MIS12: variants seen among roughly 807,000 people sequenced by gnomAD.
MIS12 encodes MIS12 kinetochore complex component.
MIS12 carries 13 observed loss-of-function variants against 16.5 expected under a neutral mutation model. The ratio of observed to expected loss-of-function variants is 0.79; its 90% CI spans 0.51 to 1.25. The LOEUF is 1.25. MIS12 is among the 50% of genes most tolerant of loss of function. The pLI is 0.00. For synonymous variants in MIS12, 97 were observed against 87.3 expected, an observed-to-expected ratio of 1.11 and a Z score of -0.62; for missense variants, 199 against 239.5, an observed-to-expected ratio of 0.83 and a Z score of 1.12.
chr17:5,489,530 A>G lies in MIS12; in HGVS notation c.*50A>G. The G allele has an allele frequency of 6.5e-7, 1 of 1,529,530 alleles. No individual in the cohort carries two copies. Among genetic ancestry groups the G allele is most frequent in the Non-Finnish European group, 8.8e-7 (1 of 1,142,524 alleles). The allele number at this position is 1,529,530 out of a possible 1,614,324, so 94.7% of individuals were successfully genotyped here. ...CCTGTCAAAAAGTAGAATCATAAGG[A>G]CTGTTCAAACCATAAGGACTGTTCA... On this transcript the variant is annotated 3_prime_UTR_variant, in exon 3 of 3. Transcript: ENST00000611091.
Position 5,488,432 on chromosome 17 carries a change from T to G in MIS12, c.-198T>G. On this transcript the variant is annotated 5_prime_UTR_variant, in exon 2 of 3. Transcript: ENST00000611091. ...AAAAAGTAGAAGCAGTTTGGAAGAG[T>G]AGTTACAAATATCAAGAGCCAGGTG... 1 of 161,588 alleles carries G rather than the reference T, an allele frequency of 6.2e-6. No individual in the cohort carries two copies. Among genetic ancestry groups the G allele is most frequent in the Non-Finnish European group, 1.4e-5 (1 of 73,728 alleles). 10.0% of individuals were successfully genotyped at this position (161,588 alleles called of 1,614,324 possible).
rs1384888673 is a variant in MIS12, at chr17:5,489,698, C to G, written c.*218C>G. 2.2e-6 allele frequency: 1 copy of G among 457,384 alleles called. No homozygotes were observed. The highest frequency in any genetic ancestry group is 2.1e-5 in the African/African-American group (1 of 48,576). 28.3% of individuals were successfully genotyped at this position (457,384 alleles called of 1,614,324 possible). On this transcript the variant is annotated 3_prime_UTR_variant, in exon 3 of 3. Transcript: ENST00000611091. ...ACTACTTTGAACTAGGCTGAAGCAT[C>G]TGAGTCTTCTAATAAGTGGGAAGGG...
upstream of MIS12, chr17:5,486,448 C>A: frequency 3.1e-6 from 1 of 324,322 alleles, no homozygotes; most frequent in Non-Finnish European, 5.7e-6. Context: ...CTGCCAATCC[C>A]CGCCGGCCAC....
At position 5,488,475 on chromosome 17, in the gene MIS12, T is replaced by C; in HGVS notation, c.-155T>C. ...GCCAGGTGGCTAAAAGGTGGAGCTATAGGTCATTGAAGCTCAAGAAACTGA... is the reference window on the plus strand; with the variant it reads ...GCCAGGTGGCTAAAAGGTGGAGCTACAGGTCATTGAAGCTCAAGAAACTGA... On this transcript the variant is annotated 5_prime_UTR_variant, in exon 2 of 3. Transcript: ENST00000611091. 5.6e-6 allele frequency: 1 copy of C among 177,858 alleles called. No homozygotes were observed. Among genetic ancestry groups the C allele is most frequent in the Non-Finnish European group, 1.2e-5 (1 of 83,354 alleles). The allele number at this position is 177,858 out of a possible 1,614,324, so 11.0% of individuals were successfully genotyped here. A position where few individuals can be genotyped will look rare whatever the true frequency, so the allele number is the denominator to read the frequency against.
At position 5,490,240 on chromosome 17, in the gene MIS12, T is replaced by C. The variant is rs1805469; in HGVS notation, c.*760T>C. On this transcript the variant is annotated 3_prime_UTR_variant, in exon 3 of 3. Coordinates refer to ENST00000611091, the MANE Select transcript of MIS12 (RefSeq NM_001258217.2). ...CTTTAATAAAAAAGAAGTTGGTTTA[T>C]TTCCAAAATAAATCCCCTGACAAAA... The C allele has an allele frequency of 3.9e-3, 657 of 167,228 alleles. 6 individuals are homozygous for C. The highest frequency in any genetic ancestry group is 7.3e-3 in the Non-Finnish European group (494 of 68,114). 10.4% of individuals were successfully genotyped at this position (167,228 alleles called of 1,614,324 possible).
Position 5,489,406 on chromosome 17 carries a change from G to T in MIS12, c.544G>T (p.Val182Phe), listed in dbSNP as rs764180817. The change falls in exon 3 of 3, where the codon GTT (valine) becomes TTT (phenylalanine). Residue 182 changes from valine to phenylalanine, a missense_variant. Transcript: ENST00000611091. ...TTTTAGGGAGAGTTTAGTATCCCTGGTTCAGAACTCCAGAAAACTACAGAA... is the reference window on the plus strand; with the variant it reads ...TTTTAGGGAGAGTTTAGTATCCCTGTTTCAGAACTCCAGAAAACTACAGAA... ...SDFRESLVSLVQNSRKLQNIR... is the reference protein window; with the variant it reads ...SDFRESLVSLFQNSRKLQNIR... 3.1e-6 allele frequency: 5 copies of T among 1,612,542 alleles called. No individual in the cohort carries two copies. Among genetic ancestry groups the T allele is most frequent in the Non-Finnish European group, 3.4e-6 (4 of 1,179,608 alleles).
chr17:5,488,802 A>T (rs1906558363), intron 2 of MIS12, 21 bp from the exon 3 acceptor site: 2 of 1,533,566 alleles, frequency 1.3e-6, no homozygotes, highest in Admixed American at 2.1e-5. Flanking sequence ...CAAATGAATT[A>T]TTTCCTTTTT....
Position 5,488,364 on chromosome 17 carries a change from T to G in MIS12, c.-266T>G. 1 of 156,630 alleles carries G rather than the reference T, an allele frequency of 6.4e-6. No individual in the cohort carries two copies. The highest frequency in any genetic ancestry group is 1.4e-5 in the Non-Finnish European group (1 of 70,886). The allele number at this position is 156,630 out of a possible 1,614,324, so 9.7% of individuals were successfully genotyped here. A position where few individuals can be genotyped will look rare whatever the true frequency, so the allele number is the denominator to read the frequency against. ...CTTGAAGATTAGGGTATAATATGAGTATATGGGTAAGAATTGGAAGAATTG... is the reference window on the plus strand; with the variant it reads ...CTTGAAGATTAGGGTATAATATGAGGATATGGGTAAGAATTGGAAGAATTG... On this transcript the variant is annotated 5_prime_UTR_variant, in exon 2 of 3. Coordinates refer to ENST00000611091, the MANE Select transcript of MIS12 (RefSeq NM_001258217.2).
chr17:5,489,579 C>T lies in MIS12; in HGVS notation c.*99C>T. ...CAAATCATACCAGTGACTGTTCAAACCAACCATACTTTTTATTAGATTTGC... is the reference window on the plus strand; with the variant it reads ...CAAATCATACCAGTGACTGTTCAAATCAACCATACTTTTTATTAGATTTGC... On this transcript the variant is annotated 3_prime_UTR_variant, in exon 3 of 3. Transcript: ENST00000611091. The T allele has an allele frequency of 7.9e-7, 1 of 1,271,854 alleles. No homozygotes were observed. The highest frequency in any genetic ancestry group is 2.6e-4 in the Middle Eastern group (1 of 3,828). The allele number at this position is 1,271,854 out of a possible 1,614,324, so 78.8% of individuals were successfully genotyped here. A position where few individuals can be genotyped will look rare whatever the true frequency, so the allele number is the denominator to read the frequency against.
In MIS12 at chr17:5,490,633, C is replaced by T. The variant is rs559254736; in HGVS notation, c.*1153C>T. Reference sequence around the variant, plus strand: ...TGGTTGTTCCTAAGGTATTGCTTGCCCTCCATGTCTTCCTAAAGAGCAGAA... The same window carrying T: ...TGGTTGTTCCTAAGGTATTGCTTGCTCTCCATGTCTTCCTAAAGAGCAGAA... On this transcript the variant is annotated 3_prime_UTR_variant, in exon 3 of 3. Coordinates refer to ENST00000611091, the MANE Select transcript of MIS12 (RefSeq NM_001258217.2). 3 of 167,128 alleles carry T rather than the reference C, an allele frequency of 1.8e-5. No homozygotes were observed. The East Asian group carries it at 5.8e-4, about 32-fold the overall frequency. 10.4% of individuals were successfully genotyped at this position (167,128 alleles called of 1,614,324 possible). A position where few individuals can be genotyped will look rare whatever the true frequency, so the allele number is the denominator to read the frequency against.
At chr17:5,486,460 G>T, upstream of MIS12, 1 of 290,602 alleles carries the variant, frequency 3.4e-6, no homozygotes, top group Non-Finnish European at 6.4e-6. Context: ...GCCGGCCACA[G>T]CTAACTTTCC....
Position 5,489,453 on chromosome 17 carries a change from G to C in MIS12, c.591G>C (p.Lys197Asn). The stretch of plus-strand genomic sequence containing the variant: ...AGAACATTAGAGACAATGTGGAAAA[G>C]GAATCGAAACGACTGAAAATATCTT... ...KLQNIRDNVE[K>N]ESKRLKIS Residue 197 changes from lysine (K) to asparagine (N), a missense_variant, in exon 3 of 3, where the codon AAG becomes AAC. Physicochemically the swap from Lys to Asn is moderately conservative, Grantham distance 94 (BLOSUM62 0). Coordinates refer to ENST00000611091, the MANE Select transcript of MIS12 (RefSeq NM_001258217.2). 1 of 1,588,586 alleles carries C rather than the reference G, an allele frequency of 6.3e-7. No homozygotes were observed. The highest frequency in any genetic ancestry group is 8.5e-7 in the Non-Finnish European group (1 of 1,173,060).
intron 1 of MIS12, chr17:5,487,627 GT>G (rs1254495205): frequency 6.6e-6 from 1 of 152,132 alleles, no homozygotes; most frequent in Non-Finnish European, 1.5e-5. Flanking sequence ...CGCCTCTCGG[GT>G]TCCAGTGATT....
chr17:5,490,621 G>C lies in MIS12; in HGVS notation c.*1141G>C, dbSNP rs1360933342. The C allele has an allele frequency of 6.0e-6, 1 of 167,074 alleles. No individual in the cohort carries two copies. The highest frequency in any genetic ancestry group is 1.5e-5 in the Non-Finnish European group (1 of 68,126). 10.3% of individuals were successfully genotyped at this position (167,074 alleles called of 1,614,324 possible). ...GAGAAATAGCAATGGTTGTTCCTAA[G>C]GTATTGCTTGCCCTCCATGTCTTCC... On this transcript the variant is annotated 3_prime_UTR_variant, in exon 3 of 3. Transcript: ENST00000611091.
Position 5,488,911 on chromosome 17 carries a change from C to T in MIS12, c.49C>T (p.Pro17Ser), listed in dbSNP as rs749432328. ...TYEAQFFGFT[P>S]QTCMLRIYIA... ...CGAGGCCCAGTTCTTTGGCTTCACGCCACAAACGTGCATGCTTCGGATCTA... is the reference window on the plus strand; with the variant it reads ...CGAGGCCCAGTTCTTTGGCTTCACGTCACAAACGTGCATGCTTCGGATCTA... Residue 17 changes from proline (P) to serine (S), a missense_variant, in exon 3 of 3, where the codon CCA becomes TCA. Coordinates refer to ENST00000611091, the MANE Select transcript of MIS12 (RefSeq NM_001258217.2). The T allele has an allele frequency of 1.9e-6, 3 of 1,614,014 alleles. No individual in the cohort carries two copies. Among genetic ancestry groups the T allele is most frequent in the East Asian group, 2.2e-5 (1 of 44,894 alleles).
chr17:5,489,721 G>T lies in MIS12; in HGVS notation c.*241G>T. On this transcript the variant is annotated 3_prime_UTR_variant, in exon 3 of 3. Coordinates refer to ENST00000611091, the MANE Select transcript of MIS12 (RefSeq NM_001258217.2). ...ATCTGAGTCTTCTAATAAGTGGGAA[G>T]GGATCCAACAAAGAAGCCATGACCA... is the stretch of plus-strand genomic sequence containing the variant. 2.4e-6 allele frequency: 1 copy of T among 416,138 alleles called. No individual in the cohort carries two copies. The highest frequency in any genetic ancestry group is 4.4e-6 in the Non-Finnish European group (1 of 228,826). 25.8% of individuals were successfully genotyped at this position (416,138 alleles called of 1,614,324 possible). A position where few individuals can be genotyped will look rare whatever the true frequency, so the allele number is the denominator to read the frequency against.
At chr17:5,487,184 A>C (rs1316468470) in intron 1 of MIS12, 1 of 152,172 alleles carries the variant, frequency 6.6e-6, no homozygotes, top group Non-Finnish European at 1.5e-5. Context: ...GGATCACTTG[A>C]ACTTAGGAGG....
At chr17:5,487,089 A>G (rs1371605893) in intron 1 of MIS12, 1 of 152,394 alleles carries the variant, frequency 6.6e-6, no homozygotes, top group Non-Finnish European at 1.5e-5. Context: ...CGAAGAAAGG[A>G]GTTAATCAAG....
chr17:5,488,545 G>A lies in MIS12; in HGVS notation c.-85G>A. ...AGTCATCTGTCTAGACTTCAAAGTT[G>A]TCTAGGATGATAATTCAGAAGACTG... On this transcript the variant is annotated 5_prime_UTR_variant, in exon 2 of 3. Coordinates refer to ENST00000611091, the MANE Select transcript of MIS12 (RefSeq NM_001258217.2). 3.6e-6 allele frequency: 1 copy of A among 280,252 alleles called. No homozygotes were observed. Among genetic ancestry groups the A allele is most frequent in the South Asian group, 4.4e-5 (1 of 22,800 alleles). The allele number at this position is 280,252 out of a possible 1,614,324, so 17.4% of individuals were successfully genotyped here.
Sources: allele counts gnomAD v4.1 joint callset, GRCh38; gene constraint gnomAD v4.1.1; transcripts MANE v1.5; gene names NCBI Gene and HGNC (gene_info 2026-07-23, HGNC 2026-07-21).